SYT6: variants seen among roughly 807,000 people sequenced by gnomAD.
The protein encoded by SYT6 is synaptotagmin-6.
In SYT6, 24 loss-of-function variants were observed where a neutral mutation model predicts 38.4. The observed-to-expected ratio is 0.62, with a 90% CI of 0.45 to 0.88. The LOEUF (loss-of-function observed/expected upper bound fraction) is 0.88, where lower values mean the gene tolerates loss of function less well. SYT6 is among the 40% of genes least tolerant of loss of function. SYT6 has a pLI of 0.00. For missense variants in SYT6, 611 were observed against 621.0 expected, an observed-to-expected ratio of 0.98 and a Z score of 0.17; for synonymous variants, 265 against 241.9, an observed-to-expected ratio of 1.10 and a Z score of -0.89.
At chr1:114,117,482 G>T (rs1000415971) in intron 3 of SYT6, among the ~76,000 whole-genome samples, 3 of 152,206 alleles carry the variant, frequency 2.0e-5, no homozygotes, top group African/African-American at 7.2e-5. Context: ...GGAGGAAGAG[G>T]CAGCTGCCTT....
At position 114,089,488 on chromosome 1, in the gene SYT6, T is replaced by G. The variant is rs988321031; in HGVS notation, c.*2646A>C. The G allele has an allele frequency of 3.3e-5, 5 of 152,558 alleles. No individual in the cohort carries two copies. The East Asian group carries it at 9.4e-4, about 29-fold the overall frequency. The allele number at this position is 152,558 out of a possible 1,614,324, so 9.5% of individuals were successfully genotyped here. On this transcript the variant is annotated 3_prime_UTR_variant, in exon 8 of 8. Coordinates refer to ENST00000610222, the MANE Select transcript of SYT6 (RefSeq NM_001253772.2). ...ATAAAGGAGAAGGGAACTTTTCATG[T>G]TTTTTAAAAAAACCTATGTGCAAAT...
intron 3 of SYT6, among the ~76,000 whole-genome samples, chr1:114,105,126 G>A (rs1676210110): frequency 6.6e-6 from 1 of 152,092 alleles, no homozygotes; most frequent in African/African-American, 2.4e-5. Context: ...GAGAACAAAA[G>A]GCAGAGAAGT....
chr1:114,109,864 A>G (rs115199329), intron 3 of SYT6, among the ~76,000 whole-genome samples: 4,748 of 152,316 alleles, frequency 0.031, 109 homozygotes, highest in Admixed American at 0.048. Flanking sequence ...AGGTCAGTAA[A>G]AGTAGATTTC....
chr1:114,127,216 C>T (rs1490273571), intron 3 of SYT6, among the ~76,000 whole-genome samples: 1 of 152,184 alleles, frequency 6.6e-6, no homozygotes, highest in African/African-American at 2.4e-5. Flanking sequence ...GAAGGGTCAC[C>T]TCTGCAGCAG....
chr1:114,120,455 T>G (rs1677321004), intron 3 of SYT6, among the ~76,000 whole-genome samples: 1 of 152,204 alleles, frequency 6.6e-6, no homozygotes. Context: ...ACTCGCTGGA[T>G]TCCAGAATTT....
chr1:114,150,942 G>C (rs1362635303), intron 1 of SYT6, among the ~76,000 whole-genome samples: 1 of 152,190 alleles, frequency 6.6e-6, no homozygotes, highest in Non-Finnish European at 1.5e-5. Context: ...CTCAGTCTCA[G>C]GGTGTTACTA....
rs778307404 is a variant in SYT6 at position 114,153,728 on chromosome 1, C to A, written c.45G>T (p.Ala15=). The change falls in exon 1 of 8, where the codon GCG becomes GCT. Residue 15 remains alanine, a synonymous_variant. Transcript: ENST00000610222. ...WGAGGPRCQE[A]LAVLASLCRA... ...GGCACAGCGAGGCGAGGACCGCGAG[C>A]GCCTCCTGGCACCGAGGCCCGCCGG... 29 of 682,104 alleles carry A rather than the reference C, an allele frequency of 4.3e-5. No homozygotes were observed. The East Asian group carries it at 4.4e-4, about 10-fold the overall frequency. 42.3% of individuals were successfully genotyped at this position (682,104 alleles called of 1,614,324 possible).
At chr1:114,103,974 T>C (rs112135140) in intron 3 of SYT6, among the ~76,000 whole-genome samples, 1 of 152,088 alleles carries the variant, frequency 6.6e-6, no homozygotes, top group African/African-American at 2.4e-5. Flanking sequence ...ATTCTGACCC[T>C]GGTCCTTGCT....
chr1:114,139,037 A>G (rs1678685688), intron 2 of SYT6, among the ~76,000 whole-genome samples: 1 of 152,174 alleles, frequency 6.6e-6, no homozygotes, highest in Non-Finnish European at 1.5e-5. Flanking sequence ...CACATCTTTT[A>G]AAAGTGCTTC....
In SYT6 at chr1:114,091,187, C is replaced by T. The variant is rs1675283053; in HGVS notation, c.*947G>A. On this transcript the variant is annotated 3_prime_UTR_variant, in exon 8 of 8. Coordinates refer to ENST00000610222, the MANE Select transcript of SYT6 (RefSeq NM_001253772.2). ...ATAAAGCTATGTATAATGCAGAAATCATTCCAGAACATATGTTTCTCTCTT... is the reference window on the plus strand; with the variant it reads ...ATAAAGCTATGTATAATGCAGAAATTATTCCAGAACATATGTTTCTCTCTT... 1 of 152,800 alleles carries T rather than the reference C, an allele frequency of 6.5e-6. No homozygotes were observed. The highest frequency in any genetic ancestry group is 2.4e-5 in the African/African-American group (1 of 41,460). The allele number at this position is 152,800 out of a possible 1,614,324, so 9.5% of individuals were successfully genotyped here.
At chr1:114,105,788 C>T (rs917736264) in intron 3 of SYT6, among the ~76,000 whole-genome samples, 9 of 152,216 alleles carry the variant, frequency 5.9e-5, no homozygotes, top group African/African-American at 2.2e-4. Context: ...TTGCACTCCG[C>T]TTTTGAGCAA....
At chr1:114,101,757 A>G (rs1172809264) in intron 4 of SYT6, among the ~76,000 whole-genome samples, 1 of 152,054 alleles carries the variant, frequency 6.6e-6, no homozygotes, top group Admixed American at 6.6e-5. Context: ...TAGCAAGTAC[A>G]CCCCCACTGC....
intron 1 of SYT6, among the ~76,000 whole-genome samples, chr1:114,149,916 C>T (rs1037118198): frequency 3.3e-5 from 5 of 151,948 alleles, no homozygotes; most frequent in Non-Finnish European, 1.5e-5. Flanking sequence ...ATCTGGATGC[C>T]CCTGTTTATT....
intron 1 of SYT6, among the ~76,000 whole-genome samples, chr1:114,145,942 G>A (rs963484093): frequency 6.6e-6 from 1 of 152,272 alleles, no homozygotes; most frequent in Non-Finnish European, 1.5e-5. Context: ...TTGCTATTTA[G>A]ATTGCCTCTC....
intron 1 of SYT6, chr1:114,152,425 C>T (rs1329894826): frequency 6.6e-6 from 1 of 152,598 alleles, no homozygotes; most frequent in African/African-American, 2.4e-5. Context: ...CCTGGAACCC[C>T]GGCGTCCTGG....
chr1:114,119,780 A>G (rs943924083), intron 3 of SYT6, among the ~76,000 whole-genome samples: 1 of 151,778 alleles, frequency 6.6e-6, no homozygotes, highest in African/African-American at 2.4e-5. Flanking sequence ...GTTTTCAAAA[A>G]CCTCTCTCAG....
intron 7 of SYT6, 81 bp from the exon 8 acceptor site, chr1:114,092,163 A>G: frequency 7.6e-7 from 1 of 1,309,736 alleles, no homozygotes; most frequent in Non-Finnish European, 1.0e-6. Context: ...GGCCCAATGC[A>G]CTGAATTCAC....
At chr1:114,097,054 AG>A (rs1332542477) in intron 6 of SYT6, among the ~76,000 whole-genome samples, 1 of 152,172 alleles carries the variant, frequency 6.6e-6, no homozygotes, top group Non-Finnish European at 1.5e-5. Context: ...TTTGCAGTTG[AG>A]GGAGAAGTGA....
intron 3 of SYT6, among the ~76,000 whole-genome samples, chr1:114,113,113 G>A (rs1676784766): frequency 1.3e-5 from 2 of 152,182 alleles, no homozygotes; most frequent in South Asian, 4.1e-4. Flanking sequence ...CAGTCACCCT[G>A]AAGATTAAGA....
Sources: allele counts gnomAD v4.1 joint callset (sites outside exome capture counted in the v4.1 genomes callset), GRCh38; gene constraint gnomAD v4.1.1; transcripts MANE v1.5; gene names NCBI Gene and HGNC (gene_info 2026-07-23, HGNC 2026-07-21).